GHRHR: variants seen among roughly 807,000 people sequenced by gnomAD.
The protein encoded by GHRHR is growth hormone releasing hormone receptor.
A neutral mutation model predicts 58.3 loss-of-function variants in GHRHR; 40 were observed. The ratio of observed to expected loss-of-function variants is 0.69; its 90% CI spans 0.53 to 0.89. The LOEUF (loss-of-function observed/expected upper bound fraction) is 0.89. Among genes scored for constraint, GHRHR ranks in the 40% least tolerant of loss-of-function variants. GHRHR has a pLI of 0.00. For synonymous variants in GHRHR, 249 were observed against 216.6 expected, an observed-to-expected ratio of 1.15 and a Z score of -1.31; for missense variants, 551 against 541.3, an observed-to-expected ratio of 1.02 and a Z score of -0.18.
At chr7:30,971,731 G>A (rs778683385) in intron 5 of GHRHR, among the ~76,000 whole-genome samples, 3 of 152,122 alleles carry the variant, frequency 2.0e-5, no homozygotes, top group South Asian at 2.1e-4. Flanking sequence ...GAGCACCCTC[G>A]AGGCAGGGAC....
At chr7:30,976,582 T>G (rs758174379) in intron 11 of GHRHR, 24 bp downstream of exon 11, 1 of 1,609,074 alleles carries the variant, frequency 6.2e-7, no homozygotes, top group Admixed American at 1.7e-5. Context: ...CAGGCACTCT[T>G]TCTTTCCATT....
At chr7:30,969,998 G>T (rs760033199) in intron 4 of GHRHR, 34 bp downstream of exon 4, 1 of 886,292 alleles carries the variant, frequency 1.1e-6, no homozygotes, top group Non-Finnish European at 1.9e-6. Context: ...AGGAAGGACT[G>T]CCATGGACAT....
At chr7:30,973,930 G>A (rs1425788810) in intron 6 of GHRHR, 55 bp from the exon 7 acceptor site, 7 of 1,566,904 alleles carry the variant, frequency 4.5e-6, no homozygotes, top group Non-Finnish European at 6.1e-6. Context: ...GAGGAGACTG[G>A]GATGGGGCTC....
intron 1 of GHRHR, among the ~76,000 whole-genome samples, 196 bp from the exon 2 acceptor site, chr7:30,968,638 C>CTCCCTCCCTCCT (rs1792408152): frequency 7.2e-6 from 1 of 138,812 alleles, no homozygotes; most frequent in Non-Finnish European, 1.6e-5. Flanking sequence ...CCCTCCCTCC[C>CTCCCTCCCTCCT]TCCCTTCCTT....
chr7:30,976,444 G>C lies in GHRHR; in HGVS notation c.990G>C (p.Ser330=). The C allele has an allele frequency of 6.2e-7, 1 of 1,613,470 alleles. No homozygotes were observed. Among genetic ancestry groups the C allele is most frequent in the South Asian group, 1.1e-5 (1 of 91,020 alleles). ...TQSQYWRLSK[S]TLFLIPLFGI... is the part of the protein sequence containing the mutation. Reference sequence around the variant, plus strand: ...TTTCCTGCAGGCGTCTCTCCAAGTCGACACTTTTCCTGATCCCACTCTTTG... The same window carrying C: ...TTTCCTGCAGGCGTCTCTCCAAGTCCACACTTTTCCTGATCCCACTCTTTG... The change falls in exon 11 of 13, where the codon TCG becomes TCC. Residue 330 remains serine, a synonymous_variant. Coordinates refer to ENST00000326139, the MANE Select transcript of GHRHR (RefSeq NM_000823.4).
At chr7:30,974,235 C>T (rs1310798559) in intron 7 of GHRHR, 97 bp downstream of exon 7, 2 of 1,357,498 alleles carry the variant, frequency 1.5e-6, no homozygotes, top group African/African-American at 2.9e-5. Context: ...CTCTGAGGCC[C>T]AGAGAAGGAG....
chr7:30,968,613 C>G (rs1176680833), intron 1 of GHRHR, among the ~76,000 whole-genome samples: 1 of 107,632 alleles, frequency 9.3e-6, no homozygotes, highest in East Asian at 2.8e-4. Flanking sequence ...TCTCTCCCTC[C>G]CTCCCTCCCT....
rs771381012 is a variant in GHRHR at position 30,979,133 on chromosome 7, C to A, written c.1161C>A (p.Ile387=). The change falls in exon 13 of 13, where the codon ATC becomes ATA. Residue 387 remains isoleucine, a synonymous_variant. Transcript: ENST00000326139. Reference sequence around the variant, plus strand: ...TGTCCCTGGAGGTGAGGACTGAGATCTCACGGAAGTGGCATGGCCATGACC... The same window carrying A: ...TGTCCCTGGAGGTGAGGACTGAGATATCACGGAAGTGGCATGGCCATGACC... ...CFLNQEVRTE[I]SRKWHGHDPE... is the part of the protein sequence containing the mutation. The A allele has an allele frequency of 6.2e-7, 1 of 1,613,862 alleles. No individual in the cohort carries two copies. Among genetic ancestry groups the A allele is most frequent in the Non-Finnish European group, 8.5e-7 (1 of 1,179,752 alleles).
Position 30,968,874 on chromosome 7 carries a change from A to C in GHRHR, c.98A>C (p.Gln33Pro). ...HMHPECDFITQLREDESACLQ... is the reference protein window; with the variant it reads ...HMHPECDFITPLREDESACLQ... ...CACCCAGAATGTGACTTCATCACCC[A>C]GCTGAGAGAGGATGAGAGTGCCTGT... Residue 33 changes from glutamine to proline, a missense_variant, in exon 2 of 13, where the codon CAG (glutamine) becomes CCG (proline). Coordinates refer to ENST00000326139, the MANE Select transcript of GHRHR (RefSeq NM_000823.4). 1 of 1,613,970 alleles carries C rather than the reference A, an allele frequency of 6.2e-7. No homozygotes were observed. The highest frequency in any genetic ancestry group is 8.5e-7 in the Non-Finnish European group (1 of 1,179,932).
chr7:30,977,338 G>A lies in GHRHR; in HGVS notation c.1146+16G>A. On this transcript the variant is annotated intron_variant, in intron 12 of 12. Transcript: ENST00000326139. ...CAACCAAGAGGTGTGTGATTTTTGAGGCTATCCCTCATGGAGTCCCCCTCC... is the reference window on the plus strand; with the variant it reads ...CAACCAAGAGGTGTGTGATTTTTGAAGCTATCCCTCATGGAGTCCCCCTCC... 1 of 1,612,776 alleles carries A rather than the reference G, an allele frequency of 6.2e-7. No homozygotes were observed. Among genetic ancestry groups the A allele is most frequent in the Non-Finnish European group, 8.5e-7 (1 of 1,178,844 alleles).
chr7:30,974,898 C>A, intron 8 of GHRHR, 73 bp from the exon 9 acceptor site: 1 of 969,028 alleles, frequency 1.0e-6, no homozygotes, highest in Non-Finnish European at 1.7e-6. Context: ...GCATGAATGC[C>A]TGAGAGGGAG....
At chr7:30,965,429 G>A (rs1163428461) in intron 1 of GHRHR, among the ~76,000 whole-genome samples, 4 of 150,742 alleles carry the variant, frequency 2.7e-5, no homozygotes, top group African/African-American at 9.9e-5. Context: ...GTGTGGGGGG[G>A]TGACTGGGAG....
intron 4 of GHRHR, among the ~76,000 whole-genome samples, chr7:30,970,773 A>C (rs1334257296): frequency 6.6e-6 from 1 of 152,212 alleles, no homozygotes; most frequent in Non-Finnish European, 1.5e-5. Flanking sequence ...GCTGGTGAGC[A>C]AGCTGGATGT....
intron 1 of GHRHR, among the ~76,000 whole-genome samples, chr7:30,967,007 G>GC (rs1792371970): frequency 6.6e-6 from 1 of 152,032 alleles, no homozygotes; most frequent in Admixed American, 6.6e-5. Flanking sequence ...CCCTTCCCCA[G>GC]CCCCTCCTCT....
intron 4 of GHRHR, among the ~76,000 whole-genome samples, chr7:30,970,452 C>T (rs1411136478): frequency 6.6e-6 from 1 of 152,244 alleles, no homozygotes; most frequent in East Asian, 1.9e-4. Context: ...TTGCCAGGCA[C>T]TCCCAAACCC....
intron 3 of GHRHR, 50 bp from the exon 4 acceptor site, chr7:30,969,817 C>T (rs781093112): frequency 3.4e-5 from 55 of 1,601,930 alleles, no homozygotes; most frequent in Non-Finnish European, 4.2e-5. Context: ...CCAGCCCCCT[C>T]CTGGGGAGAG....
chr7:30,968,926 C>A lies in GHRHR; in HGVS notation c.150C>A (p.Asn50Lys), dbSNP rs1792419273. ...TACAAGCAGCAGAGGAGATGCCCAA[C>A]ACCACCCTGGGTATGGGGCCTAGGA... The part of the protein sequence containing the change: ...ACLQAAEEMP[N>K]TTLGCPATWD... The change falls in exon 2 of 13, where the codon AAC becomes AAA. Residue 50 changes from asparagine to lysine, a missense_variant. Physicochemically the swap from Asn to Lys is moderately conservative, Grantham distance 94. Transcript: ENST00000326139. 5 of 1,610,220 alleles carry A rather than the reference C, an allele frequency of 3.1e-6. No individual in the cohort carries two copies. Among genetic ancestry groups the A allele is most frequent in the Non-Finnish European group, 4.3e-6 (5 of 1,176,460 alleles).
chr7:30,977,316 C>T lies in GHRHR; in HGVS notation c.1140C>T (p.Asn380=), dbSNP rs375995048. 5.9e-5 allele frequency: 95 copies of T among 1,613,916 alleles called. No individual in the cohort carries two copies. Among genetic ancestry groups the T allele is most frequent in the Non-Finnish European group, 7.4e-5 (87 of 1,179,806 alleles). The change falls in exon 12 of 13, where the codon AAC becomes AAT. Residue 380 remains asparagine (N), a synonymous_variant. Transcript: ENST00000326139. The part of the protein sequence containing the change: ...FIVAILYCFL[N]QEVRTEISRK... Reference sequence around the variant, plus strand: ...TTGCCATCCTCTACTGCTTCCTCAACCAAGAGGTGTGTGATTTTTGAGGCT... The same window carrying T: ...TTGCCATCCTCTACTGCTTCCTCAATCAAGAGGTGTGTGATTTTTGAGGCT...
rs368351143 is a variant in GHRHR, at chr7:30,969,890, A to G, written c.292A>G (p.Ile98Val). Residue 98 changes from isoleucine (I) to valine (V), a missense_variant, in exon 4 of 13, where the codon ATC becomes GTC. Physicochemically the swap from Ile to Val is conservative, Grantham distance 29. Transcript: ENST00000326139. ...AGGGGCTGTGAAACGGGATTGTACT[A>G]TCACTGGCTGGTCTGAGCCCTTTCC... is the stretch of plus-strand genomic sequence containing the variant. ...ESGAVKRDCT[I>V]TGWSEPFPPY... 1.2e-6 allele frequency: 2 copies of G among 1,611,592 alleles called. No homozygotes were observed. Among genetic ancestry groups the G allele is most frequent in the African/African-American group, 2.7e-5 (2 of 74,840 alleles).
Sources: gnomAD v4.1 joint callset for allele counts (sites outside exome capture counted in the v4.1 genomes callset) on GRCh38, gnomAD v4.1.1 for gene constraint, MANE v1.5 for transcripts, NCBI Gene and HGNC (gene_info 2026-07-23, HGNC 2026-07-21) for gene names.